DDB1: variants seen among roughly 807,000 people sequenced by gnomAD.
The protein encoded by DDB1 is DNA damage-binding protein 1.
In DDB1, 18 loss-of-function variants were observed where a neutral mutation model predicts 133.1. The ratio of observed to expected loss-of-function variants is 0.14; its 90% confidence interval spans 0.09 to 0.20. The LOEUF is 0.20. Among genes scored for constraint, DDB1 ranks in the 10% least tolerant of loss-of-function variants. The pLI is 1.00. For missense variants in DDB1, 828 were observed against 1,459.2 expected, an observed-to-expected ratio of 0.57 and a Z score of 7.05; for synonymous variants, 580 against 550.5, an observed-to-expected ratio of 1.05 and a Z score of -0.75.
chr11:61,326,747 G>T (rs747342379), intron 5 of DDB1, 32 bp downstream of exon 5: 1 of 1,574,264 alleles, frequency 6.4e-7, no homozygotes, highest in Non-Finnish European at 8.7e-7. Context: ...CTAGACCCAG[G>T]TGGAGGCACA....
chr11:61,321,259 A>G (rs1405537829), intron 10 of DDB1: 1 of 172,036 alleles, frequency 5.8e-6, no homozygotes, highest in Non-Finnish European at 1.2e-5. Flanking sequence ...AACCACATTT[A>G]TACTTATATC....
chr11:61,329,447 G>A lies in DDB1; in HGVS notation c.465C>T (p.Phe155=). The change falls in exon 4 of 27, where the codon TTC becomes TTT. Residue 155 remains phenylalanine, a synonymous_variant. Transcript: ENST00000301764. ...LDRDNKELKA[F]NIRLEELHVI... Reference sequence around the variant, plus strand: ...CATGCAGCTCCTCCAGGCGGATGTTGAAGGCCTTGAGTTCTTTATTATCGC... The same window carrying A: ...CATGCAGCTCCTCCAGGCGGATGTTAAAGGCCTTGAGTTCTTTATTATCGC... The A allele has an allele frequency of 6.2e-7, 1 of 1,614,154 alleles. No individual in the cohort carries two copies. The highest frequency in any genetic ancestry group is 8.5e-7 in the Non-Finnish European group (1 of 1,180,040).
chr11:61,327,552 G>A (rs1856290388), intron 4 of DDB1: 1 of 152,286 alleles, frequency 6.6e-6, no homozygotes, highest in African/African-American at 2.4e-5. Context: ...CTACACCTAT[G>A]AGATTTTTTT....
intron 10 of DDB1, 54 bp from the exon 11 acceptor site, chr11:61,316,621 CATATCT>C: frequency 1.3e-6 from 2 of 1,583,292 alleles, no homozygotes; most frequent in Non-Finnish European, 1.7e-6. Flanking sequence ...ACTTAGCATG[CATATCT>C]ACGGACAGGG....
intron 4 of DDB1, 151 bp downstream of exon 4, chr11:61,329,212 G>C (rs1020410196): frequency 1.4e-6 from 1 of 711,120 alleles, no homozygotes; most frequent in East Asian, 2.7e-5. Context: ...ACGAAAGTCT[G>C]ACCCATATTA....
rs1195240279 is a variant in DDB1, at chr11:61,331,605, G to A, written c.148C>T (p.Arg50Trp). 2 of 1,614,108 alleles carry A rather than the reference G, an allele frequency of 1.2e-6. No homozygotes were observed. The highest frequency in any genetic ancestry group is 1.7e-6 in the Non-Finnish European group (2 of 1,180,018). ...EIYVVTAEGL[R>W]PVKEVGMYGK... ...TACATGCCCACCTCTTTGACGGGCC[G>A]AAGCCCCTCGGCGGTGACCACATAG... is the stretch of plus-strand genomic sequence containing the variant. Residue 50 changes from arginine (R) to tryptophan (W), a missense_variant, in exon 2 of 27, where the codon CGG (arginine) becomes TGG (tryptophan). Arg to Trp is a moderately radical substitution (Grantham distance 101). Coordinates refer to ENST00000301764, the MANE Select transcript of DDB1 (RefSeq NM_001923.5).
intron 4 of DDB1, among the ~76,000 whole-genome samples, chr11:61,328,055 A>G (rs1440894826): frequency 6.6e-6 from 1 of 152,228 alleles, no homozygotes; most frequent in Non-Finnish European, 1.5e-5. Flanking sequence ...ACATGCAGAA[A>G]TGAAGATCTG....
chr11:61,329,115 C>T (rs1856319431), intron 4 of DDB1, among the ~76,000 whole-genome samples: 1 of 152,186 alleles, frequency 6.6e-6, no homozygotes, highest in Non-Finnish European at 1.5e-5. Flanking sequence ...AGGCCCACAA[C>T]CAGAGTGTAA....
At chr11:61,302,390 G>A (rs780960836) in intron 24 of DDB1, 31 bp from the exon 25 acceptor site, 48 of 1,605,234 alleles carry the variant, frequency 3.0e-5, no homozygotes, top group Non-Finnish European at 3.8e-5. Flanking sequence ...GTGAGCTGCA[G>A]AGAGCTCAAC....
intron 7 of DDB1, chr11:61,323,435 G>A: frequency 7.0e-6 from 2 of 283,876 alleles, no homozygotes; most frequent in Non-Finnish European, 1.4e-5. Flanking sequence ...TTTGAGACAG[G>A]GTCTCACTGT....
intron 16 of DDB1, 74 bp from the exon 17 acceptor site, chr11:61,312,158 G>A: frequency 7.4e-7 from 1 of 1,358,274 alleles, no homozygotes; most frequent in Non-Finnish European, 1.1e-6. Context: ...ACTCCACAGA[G>A]GAAGAAAAAC....
rs1049106875 is a variant in DDB1, at chr11:61,333,037, A to T, written c.-69T>A. 1.4e-6 allele frequency: 2 copies of T among 1,385,864 alleles called. No homozygotes were observed. The highest frequency in any genetic ancestry group is 1.5e-5 in the African/African-American group (1 of 66,366). The allele number at this position is 1,385,864 out of a possible 1,614,324, so 85.8% of individuals were successfully genotyped here. A position where few individuals can be genotyped will look rare whatever the true frequency, so the allele number is the denominator to read the frequency against. On this transcript the variant is annotated 5_prime_UTR_variant, in exon 1 of 27. Transcript: ENST00000301764. ...GAAAGAGGGACACAAGCGAAAAGAC[A>T]GGTGGCCCCCAACAGCGCGCAGCGA...
chr11:61,311,979 T>TTGGAGACTCATAGA lies in DDB1; in HGVS notation c.2165+9_2165+10insTCTATGAGTCTCCA. The stretch of plus-strand genomic sequence containing the variant: ...ACCCCCACTTCCCACTCTCCCACCC[T>TTGGAGACTCATAGA]GGGCCTCACCTTGGAGACTCATAGA... On this transcript the variant is annotated intron_variant, in intron 17 of 26. Coordinates refer to ENST00000301764, the MANE Select transcript of DDB1 (RefSeq NM_001923.5). 1 of 1,614,134 alleles carries TTGGAGACTCATAGA rather than the reference T, an allele frequency of 6.2e-7. No homozygotes were observed. The highest frequency in any genetic ancestry group is 2.2e-5 in the East Asian group (1 of 44,886).
In DDB1 at chr11:61,314,038, G is replaced by T; in HGVS notation, c.1753+9C>A. 2 of 1,613,954 alleles carry T rather than the reference G, an allele frequency of 1.2e-6. No homozygotes were observed. Among genetic ancestry groups the T allele is most frequent in the South Asian group, 2.2e-5 (2 of 91,054 alleles). On this transcript the variant is annotated intron_variant, in intron 14 of 26. Transcript: ENST00000301764. The stretch of plus-strand genomic sequence containing the variant: ...TCTGTCCCAACCCAGGTCCCTAAAT[G>T]ACACATACCTCCACCCAGCATCTCC...
chr11:61,308,900 T>C lies in DDB1; in HGVS notation c.2661+83A>G, dbSNP rs11230664. The C allele has an allele frequency of 0.051, 67,543 of 1,317,570 alleles. 13,789 individuals carry two copies. The African/African-American group carries it at 0.6, about 12-fold the overall frequency. 81.6% of individuals were successfully genotyped at this position (1,317,570 alleles called of 1,614,324 possible). A position where few individuals can be genotyped will look rare whatever the true frequency, so the allele number is the denominator to read the frequency against. The stretch of plus-strand genomic sequence containing the variant: ...TTCTCCTTCAGATCTGACACACACG[T>C]GGCCCCAGACAACCTAAGAGAGACA... On this transcript the variant is annotated intron_variant, in intron 21 of 26. Transcript: ENST00000301764.
At chr11:61,331,443 C>A (rs933477655) in intron 2 of DDB1, 100 bp downstream of exon 2, 8 of 1,483,734 alleles carry the variant, frequency 5.4e-6, no homozygotes, top group African/African-American at 1.4e-5. Flanking sequence ...CACTGTGAGA[C>A]CCCCGTCTCA....
intron 16 of DDB1, among the ~76,000 whole-genome samples, chr11:61,312,302 G>C (rs1037989616): frequency 1.3e-5 from 2 of 152,118 alleles, no homozygotes; most frequent in Non-Finnish European, 2.9e-5. Flanking sequence ...ATTTTTAACA[G>C]CTTTCCATTT....
intron 9 of DDB1, 103 bp downstream of exon 9, chr11:61,322,193 A>T: frequency 5.4e-6 from 5 of 924,670 alleles, no homozygotes; most frequent in Non-Finnish European, 8.7e-6. Flanking sequence ...GGGGGCTCTT[A>T]AAAGTATTTT....
In DDB1 at chr11:61,323,728, T is replaced by C. The variant is rs1590696702; in HGVS notation, c.921+251A>G. On this transcript the variant is annotated intron_variant, in intron 7 of 26. Coordinates refer to ENST00000301764, the MANE Select transcript of DDB1 (RefSeq NM_001923.5). ...TGAAACCAGCTAGATTGATCTTTAATTCCAGATTATATCCTTTTCTGTTTC... is the reference window on the plus strand; with the variant it reads ...TGAAACCAGCTAGATTGATCTTTAACTCCAGATTATATCCTTTTCTGTTTC... The C allele has an allele frequency of 9.0e-6, 4 of 446,750 alleles. No individual in the cohort carries two copies. The East Asian group carries it at 1.6e-4, about 18-fold the overall frequency. 27.7% of individuals were successfully genotyped at this position (446,750 alleles called of 1,614,324 possible).
Sources: allele counts gnomAD v4.1 joint callset (sites outside exome capture counted in the v4.1 genomes callset), GRCh38; gene constraint gnomAD v4.1.1; transcripts MANE v1.5; gene names NCBI Gene and HGNC (gene_info 2026-07-23, HGNC 2026-07-21).